ASAP2: variants seen among roughly 807,000 people sequenced by gnomAD.
ASAP2 encodes arf-GAP with SH3 domain, ANK repeat and PH domain-containing protein 2.
Under a neutral mutation model 131.4 loss-of-function variants are expected in ASAP2, and 45 were observed. The observed-to-expected ratio is 0.34, with a 90% CI of 0.27 to 0.44. The LOEUF (loss-of-function observed/expected upper bound fraction) is 0.44, where lower values mean the gene tolerates loss of function less well. Ranked by LOEUF, ASAP2 falls within the 20% of genes least tolerant of loss-of-function variation. The pLI, the probability that ASAP2 is intolerant of heterozygous loss-of-function variation, is 1.00. For synonymous variants in ASAP2, 510 were observed against 503.0 expected, an observed-to-expected ratio of 1.01 and a Z score of -0.19; for missense variants, 1,011 against 1,297.0, an observed-to-expected ratio of 0.78 and a Z score of 3.39.
Position 9,374,940 on chromosome 2 carries a change from G to A in ASAP2, c.1742G>A (p.Gly581Glu), listed in dbSNP as rs1270207094. The stretch of plus-strand genomic sequence containing the variant: ...ACGGAAAAAATCCCACTGGCCAACG[G>A]ACATGTAAGAGTGTGGGTTGTTGCT... The part of the protein sequence containing the change: ...DLTEKIPLAN[G>E]HEPDETALHL... The change falls in exon 17 of 28, where the codon GGA (glycine) becomes GAA (glutamate). Residue 581 changes from glycine to glutamate, a missense_variant. Around this residue, in one of 2 missense-constraint regions of ASAP2, gnomAD observed 652 missense variants for 698.9 expected, o/e 0.93. Coordinates refer to ENST00000281419, the MANE Select transcript of ASAP2 (RefSeq NM_003887.3). 2 of 1,603,504 alleles carry A rather than the reference G, an allele frequency of 1.2e-6. No individual in the cohort carries two copies. The highest frequency in any genetic ancestry group is 1.7e-6 in the Non-Finnish European group (2 of 1,176,116).
intron 1 of ASAP2, among the ~76,000 whole-genome samples, chr2:9,229,822 G>T (rs1346323371): frequency 4.6e-5 from 7 of 152,166 alleles, no homozygotes. Flanking sequence ...CAAGTGCCTG[G>T]CCCTGGAGGT....
chr2:9,266,063 G>A (rs1376856779), intron 1 of ASAP2, among the ~76,000 whole-genome samples: 1 of 152,020 alleles, frequency 6.6e-6, no homozygotes, highest in Non-Finnish European at 1.5e-5. Flanking sequence ...GGGATTACAG[G>A]TGTGAGCCAC....
chr2:9,346,242 A>G (rs1303817154), intron 11 of ASAP2, among the ~76,000 whole-genome samples: 1 of 152,114 alleles, frequency 6.6e-6, no homozygotes, highest in African/African-American at 2.4e-5. Flanking sequence ...CCTGGCCAAC[A>G]TGGCAAAAAT....
intron 1 of ASAP2, among the ~76,000 whole-genome samples, chr2:9,233,831 C>A (rs1663345456): frequency 6.6e-6 from 1 of 151,344 alleles, no homozygotes; most frequent in East Asian, 2.0e-4. Context: ...GGGGAGTGGG[C>A]TGGGCATGGT....
chr2:9,227,111 A>G (rs907259865), intron 1 of ASAP2, among the ~76,000 whole-genome samples: 1 of 152,186 alleles, frequency 6.6e-6, no homozygotes, highest in Non-Finnish European at 1.5e-5. Flanking sequence ...CTCATCTGCC[A>G]TCCGGCGTCT....
intron 1 of ASAP2, among the ~76,000 whole-genome samples, chr2:9,262,100 C>T (rs984686553): frequency 4.6e-5 from 7 of 152,180 alleles, no homozygotes; most frequent in African/African-American, 1.7e-4. Context: ...CCTCCTGCCT[C>T]AGCCTCCTCA....
At chr2:9,383,251 C>A (rs1340725729) in intron 20 of ASAP2, among the ~76,000 whole-genome samples, 2 of 151,618 alleles carry the variant, frequency 1.3e-5, no homozygotes, top group Non-Finnish European at 1.5e-5. Flanking sequence ...GTATCGTGGC[C>A]TCTGGTGCAG....
At chr2:9,400,607 G>C (rs1676579543) in intron 25 of ASAP2, 135 bp from the exon 26 acceptor site, 1 of 757,802 alleles carries the variant, frequency 1.3e-6, no homozygotes, top group African/African-American at 1.7e-5. Context: ...CAAGTCAGAA[G>C]GTTCCCTTTC....
rs1194446363 is a variant in ASAP2 at position 9,374,716 on chromosome 2, G to A, written c.1557-39G>A. 2.6e-6 allele frequency: 4 copies of A among 1,549,218 alleles called. No individual in the cohort carries two copies. In the Admixed American group the frequency reaches 7.7e-5, roughly 30 times the overall value. On this transcript the variant is annotated intron_variant, in intron 16 of 27. Transcript: ENST00000281419. ...AAGGGAGGCCGGACGGCGGGTAGAA[G>A]CCCTTCATGATTTGCAAGGCAATTA...
chr2:9,320,437 T>C, intron 5 of ASAP2, 100 bp downstream of exon 5: 1 of 884,980 alleles, frequency 1.1e-6, no homozygotes, highest in Non-Finnish European at 1.8e-6. Flanking sequence ...TAAACCTTAA[T>C]CCAGAAAAGA....
At chr2:9,355,260 A>G (rs73148776) in intron 12 of ASAP2, among the ~76,000 whole-genome samples, 1 of 152,162 alleles carries the variant, frequency 6.6e-6, no homozygotes, top group African/African-American at 2.4e-5. Flanking sequence ...TTGTGATTTT[A>G]TCCTGGTCTC....
At chr2:9,210,752 C>T (rs1177598741) in intron 1 of ASAP2, among the ~76,000 whole-genome samples, 4 of 151,988 alleles carry the variant, frequency 2.6e-5, no homozygotes, top group Admixed American at 2.6e-4. Flanking sequence ...GATGGGGTTT[C>T]ACCGTGTTAG....
intron 1 of ASAP2, among the ~76,000 whole-genome samples, chr2:9,236,974 G>A (rs564484718): frequency 7.9e-5 from 12 of 152,228 alleles, no homozygotes; most frequent in South Asian, 2.1e-4. Context: ...GTACGGAGAC[G>A]GGCAGGCGGA....
At chr2:9,393,977 C>A (rs563953154) in intron 24 of ASAP2, among the ~76,000 whole-genome samples, 39 of 152,234 alleles carry the variant, frequency 2.6e-4, no homozygotes, top group African/African-American at 8.9e-4. Flanking sequence ...AACACATAGA[C>A]CCTCTGTGGT....
intron 1 of ASAP2, among the ~76,000 whole-genome samples, chr2:9,210,703 C>G (rs1175932472): frequency 6.6e-6 from 1 of 151,840 alleles, no homozygotes; most frequent in Non-Finnish European, 1.5e-5. Context: ...TACAGGTGCC[C>G]GCCACCATGC....
chr2:9,315,559 G>C (rs1470324150), intron 3 of ASAP2, among the ~76,000 whole-genome samples: 1 of 152,124 alleles, frequency 6.6e-6, no homozygotes, highest in Non-Finnish European at 1.5e-5. Flanking sequence ...AGGAGAGCTG[G>C]CTGCATACTT....
intron 24 of ASAP2, among the ~76,000 whole-genome samples, chr2:9,395,694 G>A (rs1353664497): frequency 1.0e-4 from 13 of 126,416 alleles, no homozygotes; most frequent in Admixed American, 3.0e-4. Context: ...TGCAAGTTCC[G>A]CTTCCCAGGT....
rs1391876838 is a variant in ASAP2 at position 9,393,660 on chromosome 2, C to T, written c.2684+13C>T. ...AGCCTGCGCCGGGGTAAGCCACCCC[C>T]AGCCAGCTCGGCCATCCGTGCTCCT... is the stretch of plus-strand genomic sequence containing the variant. On this transcript the variant is annotated intron_variant, in intron 24 of 27. Transcript: ENST00000281419. The T allele has an allele frequency of 6.4e-7, 1 of 1,555,062 alleles. No individual in the cohort carries two copies. Among genetic ancestry groups the T allele is most frequent in the Non-Finnish European group, 8.7e-7 (1 of 1,155,104 alleles).
chr2:9,249,892 T>C (rs774222510), intron 1 of ASAP2, among the ~76,000 whole-genome samples: 3 of 152,212 alleles, frequency 2.0e-5, no homozygotes, highest in Non-Finnish European at 4.4e-5. Context: ...CTGGTCCTGC[T>C]CAGGATCTGT....
Sources: allele counts gnomAD v4.1 joint callset (sites outside exome capture counted in the v4.1 genomes callset), GRCh38; gene constraint gnomAD v4.1.1; regional missense constraint gnomAD v4.1.1; transcripts MANE v1.5; gene names NCBI Gene and HGNC (gene_info 2026-07-23, HGNC 2026-07-21).